The following ZNF343 variants were observed in gnomAD, a reference collection of about 807,000 sequenced individuals.
The protein encoded by ZNF343 is zinc finger protein 343.
ZNF343 carries 11 observed loss-of-function variants against 13.8 expected under a neutral mutation model. That is an observed-to-expected ratio of 0.80 (90% confidence interval 0.50 to 1.32). ZNF343 has a LOEUF of 1.32. ZNF343 is among the 40% of genes most tolerant of loss of function. The pLI is 0.00. For synonymous variants in ZNF343, 248 were observed against 260.0 expected (o/e 0.95, Z 0.44); for missense variants, 658 against 714.2 (o/e 0.92, Z 0.90).
upstream of ZNF343, among the ~76,000 whole-genome samples, chr20:2,511,774 G>C (rs1023041401): frequency 6.6e-6 from 1 of 152,208 alleles, no homozygotes; most frequent in Non-Finnish European, 1.5e-5. Context: ...TACATTCACA[G>C]CATGGGATGC....
In ZNF343 at chr20:2,508,462, C is replaced by G. The variant is rs2085703834; in HGVS notation, c.-237+419G>C. ...ACCACCCAGGGATGTGCGGACCTAG[C>G]CACGTCCCCACCCCAGCCGCGGGGA... On this transcript the variant is annotated intron_variant, in intron 1 of 5. Transcript: ENST00000278772. This position sits in a 1 kb window ranked among gnomAD's most constrained non-coding sequence, Gnocchi z 4.5. 6.6e-6 allele frequency among the ~76,000 whole-genome samples: 1 copy of G among 152,144 alleles called. No individual in the cohort carries two copies. Among genetic ancestry groups the G allele is most frequent in the Admixed American group, 6.5e-5 (1 of 15,276 alleles).
Position 2,483,991 on chromosome 20 carries a change from G to C in ZNF343, c.970C>G (p.Pro324Ala), listed in dbSNP as rs773552713. Reference sequence around the variant, plus strand: ...TGCCCACACTCCCTGCACAAATAAGGCTTCTCTTCTGAATGTGTTCTCTGG... The same window carrying C: ...TGCCCACACTCCCTGCACAAATAAGCCTTCTCTTCTGAATGTGTTCTCTGG... ...RHQRTHSEEK[P>A]YLCRECGQSF... is the part of the protein sequence containing the mutation. Residue 324 changes from proline to alanine, a missense_variant, in exon 6 of 6, where the codon CCT becomes GCT. Coordinates refer to ENST00000278772, the MANE Select transcript of ZNF343 (RefSeq NM_024325.6). 8.1e-6 allele frequency: 13 copies of C among 1,614,026 alleles called. No individual in the cohort carries two copies. Among genetic ancestry groups the C allele is most frequent in the Non-Finnish European group, 1.0e-5 (12 of 1,180,038 alleles).
chr20:2,510,791 A>T (rs1307152105), upstream of ZNF343, among the ~76,000 whole-genome samples: 4 of 152,220 alleles, frequency 2.6e-5, no homozygotes, highest in African/African-American at 9.7e-5. Context: ...TGCAGCCAAG[A>T]AGATGGGAGA....
At chr20:2,516,182 C>T (rs1324316827) in intron 1 of ZNF343, among the ~76,000 whole-genome samples, 6 of 151,996 alleles carry the variant, frequency 3.9e-5, no homozygotes, top group East Asian at 3.9e-4. Context: ...GGATGAGAGT[C>T]GGGGTCACAG....
chr20:2,521,552 A>T (rs775239278), intron 1 of ZNF343, among the ~76,000 whole-genome samples: 4 of 152,238 alleles, frequency 2.6e-5, no homozygotes, highest in African/African-American at 9.6e-5. Context: ...CTCTAGAAGC[A>T]GAGACCTAGA....
In ZNF343 at chr20:2,518,002, T is replaced by G. The variant is rs567690172; in HGVS notation, c.-347+6453A>C. ...TTAAAAGTACTCAAAGGTTTATTTTTTTTTCCTTTTTTCTCTCTTTTTTTT... is the reference window on the plus strand; with the variant it reads ...TTAAAAGTACTCAAAGGTTTATTTTGTTTTCCTTTTTTCTCTCTTTTTTTT... On this transcript the variant is annotated intron_variant, in intron 1 of 6. Transcript: ENST00000358413. This position sits in a 1 kb window ranked among gnomAD's most constrained non-coding sequence, Gnocchi z 4.6. Among the ~76,000 whole-genome samples the G allele has an allele frequency of 2.0e-5, 3 of 152,056 alleles. No individual in the cohort carries two copies. The South Asian group carries it at 6.2e-4, about 32-fold the overall frequency.
upstream of ZNF343, among the ~76,000 whole-genome samples, chr20:2,513,121 C>G (rs1459061123): frequency 6.6e-6 from 1 of 151,842 alleles, no homozygotes; most frequent in Admixed American, 6.6e-5. Context: ...TGGAATTTAT[C>G]AAAATTTAAA....
rs999441576 is a variant in ZNF343 at position 2,499,322 on chromosome 20, G to A, written c.-150+1334C>T. Among the ~76,000 whole-genome samples the A allele has an allele frequency of 1.2e-4, 16 of 132,250 alleles. 1 individual carries two copies. In the South Asian group the frequency reaches 2.4e-3, roughly 20 times the overall value. 86.8% of individuals were successfully genotyped at this position (132,250 alleles called of 152,430 possible). Reference sequence around the variant, plus strand: ...CTACTAAAAATACAAAAAATTAGCCGGGCGTAGTGGCGGGCACCTGTAGTC... The same window carrying A: ...CTACTAAAAATACAAAAAATTAGCCAGGCGTAGTGGCGGGCACCTGTAGTC... On this transcript the variant is annotated intron_variant, in intron 2 of 5. Transcript: ENST00000278772.
chr20:2,513,939 G>A (rs2085748863), intron 1 of ZNF343, among the ~76,000 whole-genome samples: 1 of 152,200 alleles, frequency 6.6e-6, no homozygotes, highest in Non-Finnish European at 1.5e-5. Context: ...GATCCATGGA[G>A]ACAGAAAGTA....
chr20:2,516,746 C>G (rs1175323552), intron 1 of ZNF343, among the ~76,000 whole-genome samples: 1 of 151,954 alleles, frequency 6.6e-6, no homozygotes, highest in Non-Finnish European at 1.5e-5. Flanking sequence ...AATTCAGGTC[C>G]AGTGTATGAG....
In ZNF343 at chr20:2,484,592, G is replaced by A; in HGVS notation, c.369C>T (p.Phe123=). 2 of 1,613,850 alleles carry A rather than the reference G, an allele frequency of 1.2e-6. No individual in the cohort carries two copies. Among genetic ancestry groups the A allele is most frequent in the African/African-American group, 2.7e-5 (2 of 75,054 alleles). ...SCLLAFSCQQ[F]LSQHVLQIFL... ...AGATCTGAAGTACATGTTGACTGAGGAACTGCTGACAGGAGAAGGCCAGAA... is the reference window on the plus strand; with the variant it reads ...AGATCTGAAGTACATGTTGACTGAGAAACTGCTGACAGGAGAAGGCCAGAA... Residue 123 remains phenylalanine, a synonymous_variant, in exon 6 of 6, where the codon TTC becomes TTT. Coordinates refer to ENST00000278772, the MANE Select transcript of ZNF343 (RefSeq NM_024325.6).
rs1223901089 is a variant in ZNF343, at chr20:2,497,953, G to A, written c.-150+2703C>T. ...GGCTGCTCAAATGCTCACGAAGACT[G>A]ATTTAGTCCTGCTAGTTGTTAGGCA... On this transcript the variant is annotated intron_variant, in intron 2 of 5. Coordinates refer to ENST00000278772, the MANE Select transcript of ZNF343 (RefSeq NM_024325.6). Among the ~76,000 whole-genome samples the A allele has an allele frequency of 2.6e-5, 4 of 152,218 alleles. No individual in the cohort carries two copies. The South Asian group carries it at 8.3e-4, about 32-fold the overall frequency.
chr20:2,521,178 G>A (rs1568494306), intron 1 of ZNF343, among the ~76,000 whole-genome samples: 3 of 152,116 alleles, frequency 2.0e-5, no homozygotes, highest in Admixed American at 2.0e-4. Flanking sequence ...AACCTCTGGC[G>A]TTGAAATCCA....
chr20:2,492,552 A>G lies in ZNF343; in HGVS notation c.304+147T>C. 3 of 860,934 alleles carry G rather than the reference A, an allele frequency of 3.5e-6. No homozygotes were observed. The Admixed American group carries it at 8.9e-5, about 26-fold the overall frequency. The allele number at this position is 860,934 out of a possible 1,614,324, so 53.3% of individuals were successfully genotyped here. ...TTTTGTTTGTTGTCTGTCTCCTTAC[A>G]CTAGAAAGTAAGCCCCATGGAGGCA... On this transcript the variant is annotated intron_variant, in intron 5 of 5. Coordinates refer to ENST00000278772, the MANE Select transcript of ZNF343 (RefSeq NM_024325.6).
rs2085769438 is a variant in ZNF343 at position 2,518,545 on chromosome 20, C to A, written c.-347+5910G>T. ...CAATAGTACTCACAAGTGCCAGACT[C>A]TAACTTCTGATTTCTAAATAGCTAC... On this transcript the variant is annotated intron_variant, in intron 1 of 6. Coordinates refer to the ZNF343 transcript ENST00000358413. This position sits in a 1 kb window ranked among gnomAD's most constrained non-coding sequence, Gnocchi z 4.6. 6.6e-6 allele frequency among the ~76,000 whole-genome samples: 1 copy of A among 152,184 alleles called. No homozygotes were observed. Among genetic ancestry groups the A allele is most frequent in the Admixed American group, 6.5e-5 (1 of 15,274 alleles).
upstream of ZNF343, among the ~76,000 whole-genome samples, chr20:2,510,601 C>T (rs74771774): frequency 2.0e-5 from 3 of 152,318 alleles, no homozygotes; most frequent in East Asian, 5.8e-4. Context: ...TCTTGATATT[C>T]TGTCCTGCCT....
intron 1 of ZNF343, among the ~76,000 whole-genome samples, chr20:2,501,335 T>A (rs2085562523): frequency 6.6e-6 from 1 of 152,200 alleles, no homozygotes; most frequent in African/African-American, 2.4e-5. Flanking sequence ...TGAAGCCCAC[T>A]GCAGCTCAAG....
chr20:2,489,864 GAGACT>G (rs1428640565), intron 5 of ZNF343, among the ~76,000 whole-genome samples: 1 of 152,024 alleles, frequency 6.6e-6, no homozygotes, highest in Non-Finnish European at 1.5e-5. Flanking sequence ...GAGAGAAAAA[GAGACT>G]CGGGCCGGGC....
chr20:2,497,502 A>G (rs983335820), intron 2 of ZNF343, among the ~76,000 whole-genome samples: 1 of 152,248 alleles, frequency 6.6e-6, no homozygotes, highest in African/African-American at 2.4e-5. Context: ...GATCGACCAC[A>G]GGAATTGCTG....
Sources: gnomAD v4.1 joint callset for allele counts (sites outside exome capture counted in the v4.1 genomes callset) on GRCh38, gnomAD v4.1.1 for gene constraint, Gnocchi (gnomAD v3.1) non-coding constraint, MANE v1.5 for transcripts, NCBI Gene and HGNC (gene_info 2026-07-23, HGNC 2026-07-21) for gene names.